SPATA17: variants seen among roughly 807,000 people sequenced by gnomAD.
The protein encoded by SPATA17 is spermatogenesis-associated protein 17.
In SPATA17, 53 loss-of-function variants were observed where a neutral mutation model predicts 62.2. That is an observed-to-expected ratio of 0.85 (90% CI 0.68 to 1.07). The LOEUF is 1.07. Among genes scored for constraint, SPATA17 ranks in the 50% least tolerant of loss-of-function variants. The probability of loss-of-function intolerance (pLI) is 0.00; values close to 1 mark genes in which losing one functional copy is unlikely to be tolerated. For synonymous variants in SPATA17, 146 were observed against 146.8 expected (o/e 0.99, Z 0.04); for missense variants, 466 against 425.5 (o/e 1.10, Z -0.84).
In SPATA17 at chr1:217,869,762, A is replaced by AT; in HGVS notation, c.*2743_*2744insT. Reference sequence around the variant, plus strand: ...GTCCAATTCCCCATGCCCCACCCCCACCCCCACATCCTATAATGGCCTGAA... The same window carrying AT: ...GTCCAATTCCCCATGCCCCACCCCCATCCCCCACATCCTATAATGGCCTGAA... On this transcript the variant is annotated 3_prime_UTR_variant, in exon 11 of 11. Coordinates refer to ENST00000366933, the MANE Select transcript of SPATA17 (RefSeq NM_138796.4). 1 of 137,178 alleles carries AT rather than the reference A, an allele frequency of 7.3e-6. No homozygotes were observed. The highest frequency in any genetic ancestry group is 1.6e-5 in the Non-Finnish European group (1 of 63,046). 8.5% of individuals were successfully genotyped at this position (137,178 alleles called of 1,614,324 possible). A position where few individuals can be genotyped will look rare whatever the true frequency, so the allele number is the denominator to read the frequency against.
intron 1 of SPATA17, among the ~76,000 whole-genome samples, chr1:217,644,297 AC>A (rs1670133043): frequency 6.6e-6 from 1 of 152,238 alleles, no homozygotes; most frequent in Non-Finnish European, 1.5e-5. Flanking sequence ...GTTATTAGGC[AC>A]ATGAGTGATA....
At chr1:217,830,384 A>G (rs889669074) in intron 9 of SPATA17, among the ~76,000 whole-genome samples, 1 of 152,074 alleles carries the variant, frequency 6.6e-6, no homozygotes, top group Non-Finnish European at 1.5e-5. Flanking sequence ...CACTTTACAT[A>G]ATGTGCACCA....
chr1:217,649,005 A>C (rs779529973), intron 2 of SPATA17, 34 bp downstream of exon 2: 4 of 1,394,444 alleles, frequency 2.9e-6, no homozygotes, highest in Admixed American at 2.1e-5. Flanking sequence ...CCTCAGATAT[A>C]TCATAAAAAT....
intron 5 of SPATA17, 109 bp downstream of exon 5, chr1:217,683,470 G>T (rs1671145502): frequency 6.8e-6 from 5 of 735,166 alleles, no homozygotes; most frequent in Admixed American, 4.6e-5. Flanking sequence ...ATGGAGTCTT[G>T]CTCTGTTGCC....
chr1:217,870,547 A>C lies in SPATA17; in HGVS notation c.*3528A>C, dbSNP rs190879268. On this transcript the variant is annotated 3_prime_UTR_variant, in exon 11 of 11. Coordinates refer to ENST00000366933, the MANE Select transcript of SPATA17 (RefSeq NM_138796.4). ...AAACTACTAGACTACATCAACTTAT[A>C]TACTACTTCTTTTCTATATTCTCAA... 1 of 152,286 alleles carries C rather than the reference A, an allele frequency of 6.6e-6. No homozygotes were observed. Among genetic ancestry groups the C allele is most frequent in the East Asian group, 1.9e-4 (1 of 5,184 alleles). 9.4% of individuals were successfully genotyped at this position (152,286 alleles called of 1,614,324 possible). A position where few individuals can be genotyped will look rare whatever the true frequency, so the allele number is the denominator to read the frequency against.
chr1:217,665,856 T>G (rs968346874), intron 3 of SPATA17, among the ~76,000 whole-genome samples: 3 of 152,188 alleles, frequency 2.0e-5, no homozygotes, highest in African/African-American at 7.2e-5. Flanking sequence ...TTTCAGAAGC[T>G]TTCTAAAAAT....
intron 9 of SPATA17, among the ~76,000 whole-genome samples, chr1:217,814,966 A>T (rs1226424865): frequency 6.6e-6 from 1 of 152,168 alleles, no homozygotes; most frequent in Non-Finnish European, 1.5e-5. Context: ...AGATCATGGA[A>T]TATGTTATCT....
chr1:217,761,790 G>T (rs1225508070), intron 6 of SPATA17, among the ~76,000 whole-genome samples: 1 of 152,126 alleles, frequency 6.6e-6, no homozygotes, highest in Admixed American at 6.6e-5. Context: ...TAGTGAGGAA[G>T]ATGTCCCAGA....
At chr1:217,785,588 G>A (rs1673840734) in intron 8 of SPATA17, among the ~76,000 whole-genome samples, 1 of 152,090 alleles carries the variant, frequency 6.6e-6, no homozygotes, top group South Asian at 2.1e-4. Context: ...CACCAACAAT[G>A]GGAATTATAA....
chr1:217,754,561 T>C (rs954456463), intron 6 of SPATA17, among the ~76,000 whole-genome samples: 5 of 152,154 alleles, frequency 3.3e-5, no homozygotes, highest in African/African-American at 1.2e-4. Flanking sequence ...AGTTAGATGC[T>C]ATTATGTATA....
At chr1:217,717,633 G>A (rs1462476090) in intron 5 of SPATA17, among the ~76,000 whole-genome samples, 3 of 152,010 alleles carry the variant, frequency 2.0e-5, no homozygotes, top group Non-Finnish European at 4.4e-5. Context: ...AAGTAATTAT[G>A]TAAATCCTAT....
chr1:217,845,958 A>G (rs557626341), intron 9 of SPATA17, among the ~76,000 whole-genome samples: 119 of 152,236 alleles, frequency 7.8e-4, no homozygotes, highest in Non-Finnish European at 1.4e-3. Context: ...GGGTCTAAAC[A>G]TTAATATAAG....
intron 9 of SPATA17, among the ~76,000 whole-genome samples, chr1:217,854,491 A>T (rs1270265834): frequency 6.6e-6 from 1 of 152,154 alleles, no homozygotes; most frequent in Non-Finnish European, 1.5e-5. Flanking sequence ...TATTTAAATA[A>T]AATTTAATAT....
intron 8 of SPATA17, 24 bp downstream of exon 8, chr1:217,782,346 T>A (rs752274131): frequency 1.2e-5 from 19 of 1,569,774 alleles, no homozygotes; most frequent in Non-Finnish European, 1.6e-5. Context: ...TTAACAAAAA[T>A]AGCTGTGACA....
At chr1:217,654,992 G>A (rs188601773) in intron 3 of SPATA17, among the ~76,000 whole-genome samples, 338 of 152,286 alleles carry the variant, frequency 2.2e-3, no homozygotes, top group African/African-American at 7.9e-3. Flanking sequence ...TTATAGGCGT[G>A]AGCCACCGCA....
intron 3 of SPATA17, among the ~76,000 whole-genome samples, chr1:217,655,926 A>G (rs971572079): frequency 1.3e-5 from 2 of 152,164 alleles, no homozygotes; most frequent in African/African-American, 2.4e-5. Flanking sequence ...TGTCAATGGT[A>G]TGGACAAAGA....
chr1:217,744,073 T>C (rs1672688966), intron 6 of SPATA17, among the ~76,000 whole-genome samples: 1 of 152,186 alleles, frequency 6.6e-6, no homozygotes, highest in Non-Finnish European at 1.5e-5. Flanking sequence ...GTGCTTACCA[T>C]GTGCCAAACA....
intron 8 of SPATA17, 80 bp from the exon 9 acceptor site, chr1:217,801,638 G>T (rs1465287696): frequency 3.3e-6 from 4 of 1,205,204 alleles, no homozygotes; most frequent in Non-Finnish European, 4.7e-6. Flanking sequence ...CTGTACTATA[G>T]TACTTCTACA....
intron 9 of SPATA17, among the ~76,000 whole-genome samples, chr1:217,849,330 T>C (rs1014488647): frequency 1.4e-4 from 22 of 152,130 alleles, no homozygotes; most frequent in African/African-American, 4.1e-4. Context: ...ATTCAGTGTT[T>C]CCAACAAAAT....
Sources: gnomAD v4.1 joint callset for allele counts (sites outside exome capture counted in the v4.1 genomes callset) on GRCh38, gnomAD v4.1.1 for gene constraint, MANE v1.5 for transcripts, NCBI Gene and HGNC (gene_info 2026-07-23, HGNC 2026-07-21) for gene names.